PDE3B: variants seen among roughly 807,000 people sequenced by gnomAD.
PDE3B encodes the protein phosphodiesterase 3B.
In PDE3B, 66 loss-of-function variants were observed where a neutral mutation model predicts 116.8. That is an observed-to-expected ratio of 0.56 (90% CI 0.46 to 0.69). The LOEUF (loss-of-function observed/expected upper bound fraction) is 0.69. PDE3B is among the 30% of genes least tolerant of loss of function. PDE3B has a pLI of 0.00. For synonymous variants in PDE3B, 595 were observed against 533.6 expected, an observed-to-expected ratio of 1.12 and a Z score of -1.59; for missense variants, 1,384 against 1,368.1, an observed-to-expected ratio of 1.01 and a Z score of -0.18.
chr11:14,729,452 A>T (rs934728801), intron 1 of PDE3B, among the ~76,000 whole-genome samples: 2 of 152,194 alleles, frequency 1.3e-5, no homozygotes, highest in Non-Finnish European at 2.9e-5. Context: ...CTTCAATGAG[A>T]TGCTTTGCTT....
Position 14,859,242 on chromosome 11 carries a change from C to T in PDE3B, c.2720C>T (p.Ala907Val), listed in dbSNP as rs782541685. 1.2e-6 allele frequency: 2 copies of T among 1,604,144 alleles called. No homozygotes were observed. The highest frequency in any genetic ancestry group is 1.7e-4 in the Middle Eastern group (1 of 6,022). ...TTTGATTTTCTCGCAGAATTCAATG[C>T]CAAGGTTTGTTATGAAAATTAGTGC... Reference protein sequence around the residue: ...KHFDFLAEFNAKANDVNSNGI... With the variant: ...KHFDFLAEFNVKANDVNSNGI... Residue 907 changes from alanine to valine, a missense_variant, in exon 13 of 16, where the codon GCC becomes GTC. This residue lies in a region of PDE3B where 428 missense variants were observed against 561.4 expected (regional missense o/e 0.76). Transcript: ENST00000282096.
At chr11:14,716,263 G>A (rs1855886574) in intron 1 of PDE3B, among the ~76,000 whole-genome samples, 1 of 152,306 alleles carries the variant, frequency 6.6e-6, no homozygotes, top group South Asian at 2.1e-4. Context: ...TGGCTTGGAG[G>A]GTGCTACGCC....
rs1338897554 is a variant in PDE3B at position 14,789,215 on chromosome 11, G to A, written c.1388G>A (p.Arg463Lys). ...AGGTGGGATCGTAATAATGGCAAAA[G>A]ACCTCACCAAGAATTTGGCATTTCA... ...SSRWDRNNGK[R>K]PHQEFGISSQ... Residue 463 changes from arginine (R) to lysine (K), a missense_variant, in exon 4 of 16, where the codon AGA becomes AAA. Arg to Lys is a conservative substitution (Grantham distance 26). Transcript: ENST00000282096. The A allele has an allele frequency of 6.2e-7, 1 of 1,607,478 alleles. No homozygotes were observed.
At position 14,667,747 on chromosome 11, in the gene PDE3B, G is replaced by GTA. The variant is rs1489177434; in HGVS notation, c.978+22695_978+22696insAT. ...AGATATACCTAATGCTAAATGACAA[G>GTA]TTAATGGGTGCAGCACAGCAACATG... On this transcript the variant is annotated intron_variant, in intron 1 of 15. Transcript: ENST00000282096. Among the ~76,000 whole-genome samples the GTA allele has an allele frequency of 2.6e-5, 4 of 151,610 alleles. No individual in the cohort carries two copies. The South Asian group carries it at 8.3e-4, about 32-fold the overall frequency.
intron 1 of PDE3B, among the ~76,000 whole-genome samples, chr11:14,768,805 T>A (rs1374983077): frequency 6.6e-6 from 1 of 151,528 alleles, no homozygotes; most frequent in East Asian, 1.9e-4. Flanking sequence ...TAAAAATATA[T>A]AAACCTTTAC....
At chr11:14,893,751 C>T in the PDE3B span, among the ~76,000 whole-genome samples, 1 of 152,132 alleles carries the variant, frequency 6.6e-6, no homozygotes, top group African/African-American at 2.4e-5. Flanking sequence ...ATTGGGCCCA[C>T]CTGGATAATC....
intron 1 of PDE3B, among the ~76,000 whole-genome samples, chr11:14,715,722 C>T (rs998626931): frequency 3.9e-5 from 6 of 152,192 alleles, no homozygotes; most frequent in Admixed American, 2.0e-4. Context: ...ATTTGACTTC[C>T]TCTTTTCCTA....
At chr11:14,726,491 A>G (rs938047541) in intron 1 of PDE3B, among the ~76,000 whole-genome samples, 2 of 152,190 alleles carry the variant, frequency 1.3e-5, no homozygotes, top group Admixed American at 1.3e-4. Context: ...TCAATAGCAT[A>G]TAAATGGTCA....
At chr11:14,812,528 T>C (rs1859174034) in intron 5 of PDE3B, among the ~76,000 whole-genome samples, 1 of 152,126 alleles carries the variant, frequency 6.6e-6, no homozygotes, top group Admixed American at 6.5e-5. Context: ...AAAAATCTGT[T>C]AAGCTTACAT....
rs547828128 is a variant in PDE3B, at chr11:14,832,664, T to A, written c.2095-58T>A. ...AATACAAATCACAAAAACATTATAC[T>A]CAGCTACAAATAGAAATTCTGATTT... On this transcript the variant is annotated intron_variant, in intron 9 of 15. Transcript: ENST00000282096. The A allele has an allele frequency of 9.2e-6, 6 of 653,182 alleles. No individual in the cohort carries two copies. In the African/African-American group the frequency reaches 9.5e-5, roughly 10 times the overall value. The allele number at this position is 653,182 out of a possible 1,614,324, so 40.5% of individuals were successfully genotyped here.
intron 2 of PDE3B, among the ~76,000 whole-genome samples, chr11:14,782,569 T>C (rs544243072): frequency 6.6e-6 from 1 of 152,172 alleles, no homozygotes; most frequent in Non-Finnish European, 1.5e-5. Flanking sequence ...GTAGAAAGCT[T>C]TAACTGGATC....
chr11:14,719,256 G>A (rs1208249085), intron 1 of PDE3B, among the ~76,000 whole-genome samples: 1 of 49,094 alleles, frequency 2.0e-5, no homozygotes, highest in African/African-American at 7.6e-5. Flanking sequence ...CCAATAACAG[G>A]AGCTGAAATT....
At chr11:14,665,996 C>G (rs1351953126) in intron 1 of PDE3B, among the ~76,000 whole-genome samples, 1 of 152,114 alleles carries the variant, frequency 6.6e-6, no homozygotes, top group Admixed American at 6.5e-5. Flanking sequence ...ACCAAAAGAA[C>G]AAAGCTGGAG....
chr11:14,806,323 C>G (rs1858923316), intron 5 of PDE3B, among the ~76,000 whole-genome samples: 1 of 151,470 alleles, frequency 6.6e-6, no homozygotes, highest in Non-Finnish European at 1.5e-5. Flanking sequence ...TGGCAGGCAC[C>G]TGTAGTTGCA....
intron 1 of PDE3B, among the ~76,000 whole-genome samples, chr11:14,757,860 G>A (rs1290611902): frequency 8.8e-5 from 13 of 148,270 alleles, no homozygotes; most frequent in South Asian, 2.2e-4. Flanking sequence ...TTGGTGTTTT[G>A]GACATGAAGT....
At chr11:14,747,674 G>GT (rs1856949591) in intron 1 of PDE3B, among the ~76,000 whole-genome samples, 1 of 152,182 alleles carries the variant, frequency 6.6e-6, no homozygotes, top group South Asian at 2.1e-4. Flanking sequence ...AAATGTAGTG[G>GT]TGATGGTGGG....
At chr11:14,690,089 G>A (rs546406145) in intron 1 of PDE3B, among the ~76,000 whole-genome samples, 1 of 152,292 alleles carries the variant, frequency 6.6e-6, no homozygotes, top group South Asian at 2.1e-4. Flanking sequence ...TTAACACTTA[G>A]TGTTATGACA....
At chr11:14,660,911 A>T (rs953536701) in intron 1 of PDE3B, among the ~76,000 whole-genome samples, 11 of 152,252 alleles carry the variant, frequency 7.2e-5, no homozygotes, top group Non-Finnish European at 1.5e-4. Context: ...CAAAAAACAC[A>T]TGAAAAAATG....
At chr11:14,812,816 A>G (rs1859189649) in intron 5 of PDE3B, among the ~76,000 whole-genome samples, 1 of 152,214 alleles carries the variant, frequency 6.6e-6, no homozygotes, top group African/African-American at 2.4e-5. Flanking sequence ...TGTAAACTGC[A>G]TATTCATATC....
Sources: allele counts gnomAD v4.1 joint callset (sites outside exome capture counted in the v4.1 genomes callset), GRCh38; gene constraint gnomAD v4.1.1; regional missense constraint gnomAD v4.1.1; transcripts MANE v1.5; gene names NCBI Gene and HGNC (gene_info 2026-07-23, HGNC 2026-07-21).